ROBO1: variants seen among roughly 807,000 people sequenced by gnomAD.
The protein encoded by ROBO1 is roundabout guidance receptor 1, also known as roundabout homolog 1.
A neutral mutation model predicts 195.9 loss-of-function variants in ROBO1; 149 were observed. The observed-to-expected ratio is 0.76, with a 90% CI of 0.67 to 0.87. The LOEUF (loss-of-function observed/expected upper bound fraction) is 0.87, where lower values mean the gene tolerates loss of function less well. ROBO1 is among the 40% of genes least tolerant of loss of function. The pLI is 0.00. For synonymous variants in ROBO1, 816 were observed against 733.2 expected (o/e 1.11, Z -1.82); for missense variants, 1,933 against 2,068.3 (o/e 0.93, Z 1.27).
intron 1 of ROBO1, among the ~76,000 whole-genome samples, chr3:79,728,420 C>T (rs1019161935): frequency 1.3e-5 from 2 of 152,050 alleles, no homozygotes; most frequent in African/African-American, 4.8e-5. Context: ...TTAATTTCAT[C>T]CCCTCTCATA....
At chr3:78,927,526 T>C (rs1385218439) in intron 4 of ROBO1, among the ~76,000 whole-genome samples, 2 of 152,314 alleles carry the variant, frequency 1.3e-5, no homozygotes, top group East Asian at 3.9e-4. Flanking sequence ...CATTTTTGAA[T>C]ATTTTAGAGA....
chr3:79,173,941 T>C (rs549616368), intron 2 of ROBO1, among the ~76,000 whole-genome samples: 14 of 152,208 alleles, frequency 9.2e-5, no homozygotes, highest in Non-Finnish European at 1.8e-4. Flanking sequence ...ACACTCTGTA[T>C]CTAGCTACTC....
chr3:78,742,681 A>G (rs2082561318), intron 5 of ROBO1, among the ~76,000 whole-genome samples: 1 of 152,198 alleles, frequency 6.6e-6, no homozygotes, highest in African/African-American at 2.4e-5. Flanking sequence ...ACAACTTCCT[A>G]GCATATGGAA....
At chr3:79,110,260 T>C (rs1236603758) in intron 3 of ROBO1, among the ~76,000 whole-genome samples, 1 of 151,964 alleles carries the variant, frequency 6.6e-6, no homozygotes. Flanking sequence ...ATAATATTTA[T>C]ATAATACTAT....
intron 3 of ROBO1, among the ~76,000 whole-genome samples, chr3:79,037,071 A>G (rs969999385): frequency 2.6e-5 from 4 of 152,156 alleles, no homozygotes; most frequent in Non-Finnish European, 5.9e-5. Flanking sequence ...GAAAACAAAT[A>G]CCTAACAAAG....
intron 2 of ROBO1, among the ~76,000 whole-genome samples, chr3:79,499,770 G>A (rs1263601208): frequency 1.3e-5 from 2 of 152,264 alleles, no homozygotes; most frequent in East Asian, 3.9e-4. Flanking sequence ...GAGATTGGGA[G>A]ATCTTTATTA....
chr3:78,776,410 C>T (rs2083507600), intron 4 of ROBO1, among the ~76,000 whole-genome samples: 1 of 152,154 alleles, frequency 6.6e-6, no homozygotes, highest in Non-Finnish European at 1.5e-5. Flanking sequence ...CGCCACCACA[C>T]CCAGCTAATT....
At chr3:78,901,102 G>C (rs549126976) in intron 4 of ROBO1, among the ~76,000 whole-genome samples, 1 of 152,258 alleles carries the variant, frequency 6.6e-6, no homozygotes, top group Admixed American at 6.5e-5. Context: ...TGTCTCATCT[G>C]GCCTAATGCA....
At position 78,717,170 on chromosome 3, in the gene ROBO1, G is replaced by C. The variant is rs1278602845; in HGVS notation, c.917+105C>G. 2.5e-6 allele frequency: 3 copies of C among 1,207,196 alleles called. No homozygotes were observed. In the Admixed American group the frequency reaches 8.0e-5, roughly 32 times the overall value. The allele number at this position is 1,207,196 out of a possible 1,614,324, so 74.8% of individuals were successfully genotyped here. ...AGTATTGTATCTGGCCCCTGATAGA[G>C]GATTCTAGAATGGACTATTCTAATG... is the stretch of plus-strand genomic sequence containing the variant. On this transcript the variant is annotated intron_variant, in intron 7 of 30. Transcript: ENST00000464233.
intron 2 of ROBO1, among the ~76,000 whole-genome samples, chr3:79,587,726 A>C (rs1943873721): frequency 1.3e-5 from 2 of 151,744 alleles, no homozygotes; most frequent in Non-Finnish European, 1.5e-5. Flanking sequence ...TCTAATGAAC[A>C]TACTAAAGCT....
chr3:79,293,453 T>G (rs1355410005), intron 2 of ROBO1, among the ~76,000 whole-genome samples: 1 of 152,194 alleles, frequency 6.6e-6, no homozygotes, highest in Non-Finnish European at 1.5e-5. Context: ...CTTCTCTAGT[T>G]CTTTTAATTG....
intron 1 of ROBO1, among the ~76,000 whole-genome samples, chr3:79,711,492 A>C (rs1702274894): frequency 6.6e-6 from 1 of 152,168 alleles, no homozygotes; most frequent in South Asian, 2.1e-4. Flanking sequence ...ACAAACAGTA[A>C]TTATAGTTTA....
chr3:78,682,201 G>T (rs1452700545), intron 10 of ROBO1, among the ~76,000 whole-genome samples: 2 of 151,608 alleles, frequency 1.3e-5, no homozygotes, highest in Non-Finnish European at 2.9e-5. Flanking sequence ...TGCCAGTTCT[G>T]CTCACTATAT....
intron 4 of ROBO1, among the ~76,000 whole-genome samples, chr3:78,864,891 AAGATC>A (rs1188526708): frequency 6.6e-6 from 1 of 152,184 alleles, no homozygotes; most frequent in East Asian, 1.9e-4. Flanking sequence ...GTTTAATTAT[AAGATC>A]TTCGTGATTA....
intron 1 of ROBO1, among the ~76,000 whole-genome samples, chr3:79,666,755 T>C (rs1946487462): frequency 1.3e-5 from 2 of 152,038 alleles, no homozygotes; most frequent in South Asian, 2.1e-4. Flanking sequence ...CATTCTTGGG[T>C]ATGTCTTTAT....
intron 8 of ROBO1, among the ~76,000 whole-genome samples, chr3:78,712,043 A>C (rs903132436): frequency 2.1e-4 from 31 of 149,240 alleles, no homozygotes; most frequent in Non-Finnish European, 9.0e-5. Flanking sequence ...AAAAAAAAAA[A>C]AAAAAAACTC....
chr3:79,688,290 G>A (rs1345366629), intron 1 of ROBO1, among the ~76,000 whole-genome samples: 1 of 151,636 alleles, frequency 6.6e-6, no homozygotes, highest in Non-Finnish European at 1.5e-5. Flanking sequence ...AATGGGTGCA[G>A]CACACCAACA....
At chr3:79,460,186 A>G (rs77327105) in intron 2 of ROBO1, among the ~76,000 whole-genome samples, 7,685 of 152,282 alleles carry the variant, frequency 0.05, 254 homozygotes, top group Middle Eastern at 0.095. Flanking sequence ...AGGAAAGAGG[A>G]AAGTTGGTAA....
intron 3 of ROBO1, among the ~76,000 whole-genome samples, chr3:78,974,006 T>C (rs2076832094): frequency 6.6e-6 from 1 of 152,108 alleles, no homozygotes; most frequent in Non-Finnish European, 1.5e-5. Flanking sequence ...GCTACCAAAA[T>C]GAAACTGTTA....
Sources: gnomAD v4.1 joint callset for allele counts (sites outside exome capture counted in the v4.1 genomes callset) on GRCh38, gnomAD v4.1.1 for gene constraint, MANE v1.5 for transcripts, NCBI Gene and HGNC (gene_info 2026-07-23, HGNC 2026-07-21) for gene names.